The following DLGAP1 variants were observed in gnomAD, a reference collection of about 807,000 sequenced individuals.
DLGAP1 encodes disks large-associated protein 1.
DLGAP1 carries 11 observed loss-of-function variants against 90.8 expected under a neutral mutation model. The observed-to-expected ratio is 0.12, with a 90% confidence interval of 0.08 to 0.20. The LOEUF (loss-of-function observed/expected upper bound fraction) is 0.20. DLGAP1 is among the 10% of genes least tolerant of loss of function. DLGAP1 has a pLI of 1.00. For missense variants in DLGAP1, 1,050 were observed against 1,333.8 expected (o/e 0.79, Z 3.31); for synonymous variants, 558 against 540.7 (o/e 1.03, Z -0.44).
intron 3 of DLGAP1, among the ~76,000 whole-genome samples, chr18:3,979,490 T>C (rs2073677771): frequency 6.6e-6 from 1 of 152,160 alleles, no homozygotes; most frequent in Non-Finnish European, 1.5e-5. Context: ...TTAACTCACG[T>C]GGATTTTTGA....
intron 1 of DLGAP1, among the ~76,000 whole-genome samples, chr18:4,375,258 G>A (rs773997867): frequency 3.4e-4 from 52 of 152,230 alleles, no homozygotes; most frequent in African/African-American, 1.1e-3. Flanking sequence ...GATGAGGAAC[G>A]AAGCTACAGA....
intron 1 of DLGAP1, among the ~76,000 whole-genome samples, chr18:4,355,733 A>C (rs1598271568): frequency 7.9e-6 from 1 of 126,004 alleles, no homozygotes; most frequent in Non-Finnish European, 1.7e-5. Context: ...ACATGGGACA[A>C]TCCGGGATCT....
chr18:4,221,055 A>G (rs1006871541), intron 1 of DLGAP1, among the ~76,000 whole-genome samples: 1 of 152,130 alleles, frequency 6.6e-6, no homozygotes, highest in African/African-American at 2.4e-5. Flanking sequence ...CATGTAGTAC[A>G]TAGTAGTCTC....
intron 1 of DLGAP1, among the ~76,000 whole-genome samples, chr18:4,438,893 G>C (rs1243003203): frequency 1.3e-5 from 2 of 152,104 alleles, no homozygotes; most frequent in Non-Finnish European, 2.9e-5. Flanking sequence ...AAAATCACAT[G>C]ATGACCCCTG....
At chr18:3,883,574 C>T (rs555343321) in intron 3 of DLGAP1, among the ~76,000 whole-genome samples, 5 of 152,304 alleles carry the variant, frequency 3.3e-5, no homozygotes, top group South Asian at 2.1e-4. Context: ...AAAGTGCTAT[C>T]CTAGTGGATA....
intron 7 of DLGAP1, among the ~76,000 whole-genome samples, chr18:3,703,043 G>A (rs979913831): frequency 6.6e-6 from 1 of 152,184 alleles, no homozygotes; most frequent in Non-Finnish European, 1.5e-5. Flanking sequence ...CCCAGAGCTG[G>A]TTAAGATGTG....
intron 1 of DLGAP1, among the ~76,000 whole-genome samples, chr18:4,408,342 A>G (rs550961441): frequency 1.2e-4 from 18 of 152,294 alleles, no homozygotes; most frequent in African/African-American, 4.1e-4. Flanking sequence ...GCACAGAACT[A>G]AAATAGTAGG....
chr18:3,508,913 A>G (rs983469242), intron 10 of DLGAP1, among the ~76,000 whole-genome samples: 4 of 152,104 alleles, frequency 2.6e-5, no homozygotes, highest in African/African-American at 9.7e-5. Context: ...TCTTGGGAGC[A>G]ATGGAGTTTT....
chr18:4,362,328 G>A (rs1017340214), intron 1 of DLGAP1, among the ~76,000 whole-genome samples: 5 of 152,122 alleles, frequency 3.3e-5, no homozygotes, highest in Admixed American at 1.3e-4. Flanking sequence ...ATGTGGAAGC[G>A]AACCAAGTGT....
At chr18:4,009,141 G>A (rs555427548) in intron 2 of DLGAP1, among the ~76,000 whole-genome samples, 2 of 152,216 alleles carry the variant, frequency 1.3e-5, no homozygotes, top group Admixed American at 6.5e-5. Context: ...CTGACCTCGT[G>A]ATCCACCTGC....
At position 3,863,716 on chromosome 18, in the gene DLGAP1, G is replaced by C. The variant is rs111787253; in HGVS notation, c.957+15396C>G. ...CACAACAGTGCAGTGCTGCTTGCTA[G>C]GTTTCTTCCCCAGGGCCCGCTCAGC... On this transcript the variant is annotated intron_variant, in intron 4 of 12. Transcript: ENST00000315677. Among the ~76,000 whole-genome samples, 183 of 152,342 alleles carry C rather than the reference G, an allele frequency of 1.2e-3. 2 individuals carry two copies. The highest frequency in any genetic ancestry group is 4.2e-3 in the African/African-American group (175 of 41,590).
intron 7 of DLGAP1, among the ~76,000 whole-genome samples, chr18:3,643,580 G>A (rs759138698): frequency 1.3e-5 from 2 of 149,266 alleles, no homozygotes; most frequent in African/African-American, 2.5e-5. Flanking sequence ...GGAGAATGGC[G>A]TGAACCCGGG....
intron 3 of DLGAP1, among the ~76,000 whole-genome samples, chr18:3,898,719 A>G (rs1324544791): frequency 6.6e-6 from 1 of 152,216 alleles, no homozygotes; most frequent in Admixed American, 6.5e-5. Context: ...AATATACCTT[A>G]ACATAAGCAT....
chr18:3,899,957 G>A (rs2071745739), intron 3 of DLGAP1, among the ~76,000 whole-genome samples: 1 of 152,142 alleles, frequency 6.6e-6, no homozygotes, highest in Non-Finnish European at 1.5e-5. Context: ...CCCTGGGAAT[G>A]GCTCTGCATC....
At chr18:3,855,233 G>T (rs184774575) in intron 4 of DLGAP1, among the ~76,000 whole-genome samples, 2 of 152,108 alleles carry the variant, frequency 1.3e-5, no homozygotes, top group African/African-American at 4.8e-5. Flanking sequence ...CAAACATTAA[G>T]TACATATGGA....
intron 3 of DLGAP1, among the ~76,000 whole-genome samples, chr18:3,963,390 C>G (rs972531438): frequency 1.3e-5 from 2 of 152,156 alleles, no homozygotes; most frequent in Non-Finnish European, 2.9e-5. Flanking sequence ...AAGTGTGCAG[C>G]TGCCTGGACT....
chr18:4,051,480 A>G (rs2075133349), intron 2 of DLGAP1, among the ~76,000 whole-genome samples: 1 of 152,244 alleles, frequency 6.6e-6, no homozygotes, highest in Non-Finnish European at 1.5e-5. Flanking sequence ...AGATCTTGTG[A>G]GAACTCACTC....
Position 4,380,204 on chromosome 18 carries a change from A to C in DLGAP1, c.-267+74802T>G, listed in dbSNP as rs138683878. Among the ~76,000 whole-genome samples, 671 of 152,294 alleles carry C rather than the reference A, an allele frequency of 4.4e-3. 2 individuals are homozygous for C. Among genetic ancestry groups the C allele is most frequent in the African/African-American group, 0.015 (643 of 41,572 alleles). On this transcript the variant is annotated intron_variant, in intron 1 of 12. Transcript: ENST00000315677. The stretch of plus-strand genomic sequence containing the variant: ...TAATATCACAAACATACACTTCTTG[A>C]TGATTTCCCAAATATCACTTACTGG...
At chr18:3,719,689 A>C (rs1031569712) in intron 7 of DLGAP1, among the ~76,000 whole-genome samples, 2 of 152,100 alleles carry the variant, frequency 1.3e-5, no homozygotes, top group Admixed American at 6.6e-5. Context: ...ACCTCTATGT[A>C]CTATCTTTGT....
Sources: gnomAD v4.1 joint callset for allele counts (sites outside exome capture counted in the v4.1 genomes callset) on GRCh38, gnomAD v4.1.1 for gene constraint, MANE v1.5 for transcripts, NCBI Gene and HGNC (gene_info 2026-07-23, HGNC 2026-07-21) for gene names.